The following PALM2AKAP2 variants were observed in gnomAD, a reference collection of about 807,000 sequenced individuals.
PALM2AKAP2 encodes the protein PALM2 and AKAP2 fusion, also known as PALM2-AKAP2 fusion protein.
PALM2AKAP2 carries 37 observed loss-of-function variants against 71.5 expected under a neutral mutation model. That is an observed-to-expected ratio of 0.52 (90% CI 0.40 to 0.68). The LOEUF (loss-of-function observed/expected upper bound fraction) is 0.68. Among genes scored for constraint, PALM2AKAP2 ranks in the 30% least tolerant of loss-of-function variants. The pLI is 0.00. For missense variants in PALM2AKAP2, 1,224 were observed against 1,191.8 expected, an observed-to-expected ratio of 1.03 and a Z score of -0.40; for synonymous variants, 468 against 478.8, an observed-to-expected ratio of 0.98 and a Z score of 0.29.
chr9:110,009,566 T>C (rs1832842328), intron 6 of PALM2AKAP2, among the ~76,000 whole-genome samples: 1 of 151,674 alleles, frequency 6.6e-6, no homozygotes, highest in Non-Finnish European at 1.5e-5. Context: ...TACAAAAAAT[T>C]AGCTGGGCGT....
At chr9:109,694,898 A>G (rs2118559900) in intron 1 of PALM2AKAP2, among the ~76,000 whole-genome samples, 1 of 152,270 alleles carries the variant, frequency 6.6e-6, no homozygotes, top group South Asian at 2.1e-4. Context: ...ATGCTATCCC[A>G]AAGACACCAT....
chr9:109,665,812 A>G (rs1339805086), intron 1 of PALM2AKAP2, among the ~76,000 whole-genome samples: 1 of 152,146 alleles, frequency 6.6e-6, no homozygotes, highest in African/African-American at 2.4e-5. Flanking sequence ...GAGTCTAGAG[A>G]CAGTAGGCCT....
Position 110,055,510 on chromosome 9 carries a change from T to C in PALM2AKAP2, c.156+6655T>C, listed in dbSNP as rs1833817802. ...CCACGCCTGGGGAAGGGGCCTCTTT[T>C]GGTGAAAAGGCAAGGGCACTACTCC... On this transcript the variant is annotated intron_variant, in intron 1 of 3. Transcript: ENST00000374525. 2.6e-5 allele frequency among the ~76,000 whole-genome samples: 4 copies of C among 152,234 alleles called. No individual in the cohort carries two copies. The South Asian group carries it at 6.2e-4, about 24-fold the overall frequency.
intron 7 of PALM2AKAP2, among the ~76,000 whole-genome samples, chr9:110,029,387 T>G (rs1023638528): frequency 6.6e-6 from 1 of 152,212 alleles, no homozygotes; most frequent in Admixed American, 6.5e-5. Context: ...CAACTCCTAC[T>G]TGGTAAAATC....
intron 1 of PALM2AKAP2, among the ~76,000 whole-genome samples, chr9:109,701,782 G>T (rs1425464332): frequency 1.3e-5 from 2 of 152,276 alleles, no homozygotes; most frequent in East Asian, 3.9e-4. Flanking sequence ...CACGGCAAAA[G>T]AAACTACCAT....
intron 6 of PALM2AKAP2, among the ~76,000 whole-genome samples, chr9:109,975,578 C>T (rs1832158262): frequency 6.6e-6 from 1 of 152,258 alleles, no homozygotes; most frequent in Admixed American, 6.5e-5. Flanking sequence ...TAAAATTAAC[C>T]ATCACAGTAG....
At chr9:110,057,215 C>T (rs1268500903) in intron 1 of PALM2AKAP2, among the ~76,000 whole-genome samples, 2 of 152,096 alleles carry the variant, frequency 1.3e-5, no homozygotes, top group Non-Finnish European at 2.9e-5. Flanking sequence ...TTACTGCAAC[C>T]TTGAACTCCT....
intron 6 of PALM2AKAP2, among the ~76,000 whole-genome samples, chr9:110,014,803 A>ATAT (rs1249165727): frequency 3.7e-4 from 6 of 16,016 alleles, no homozygotes; most frequent in Non-Finnish European, 6.9e-4. Context: ...AAAAAAAAAA[A>ATAT]ATGTATATAT....
chr9:109,674,091 C>T (rs76754106), intron 1 of PALM2AKAP2, among the ~76,000 whole-genome samples: 3,728 of 151,978 alleles, frequency 0.025, 51 homozygotes, highest in Middle Eastern at 0.058. Flanking sequence ...TGTTTTTCTT[C>T]TGTACTGTCC....
At chr9:109,756,519 AT>A (rs1223826389) in intron 1 of PALM2AKAP2, among the ~76,000 whole-genome samples, 1 of 152,120 alleles carries the variant, frequency 6.6e-6, no homozygotes, top group African/African-American at 2.4e-5. Flanking sequence ...CTTTTGGCCA[AT>A]TTTATCAGTT....
At chr9:110,043,002 T>C (rs897156470) in intron 7 of PALM2AKAP2, among the ~76,000 whole-genome samples, 3 of 152,190 alleles carry the variant, frequency 2.0e-5, no homozygotes. Flanking sequence ...TCTTATTCAT[T>C]CTTTCTATTT....
At chr9:109,650,455 C>T (rs1827210390) in intron 1 of PALM2AKAP2, among the ~76,000 whole-genome samples, 1 of 152,126 alleles carries the variant, frequency 6.6e-6, no homozygotes, top group South Asian at 2.1e-4. Context: ...CTTGCTCTGT[C>T]ACCTAGGCTG....
chr9:110,149,602 C>CTTGCATTCGT (rs1448499397), intron 2 of PALM2AKAP2, among the ~76,000 whole-genome samples: 1 of 152,180 alleles, frequency 6.6e-6, no homozygotes, highest in Admixed American at 6.5e-5. Flanking sequence ...TGGGTTGATA[C>CTTGCATTCGT]TTGCATTCGT....
At chr9:109,805,722 A>G (rs1234485053) in intron 1 of PALM2AKAP2, among the ~76,000 whole-genome samples, 1 of 152,250 alleles carries the variant, frequency 6.6e-6, no homozygotes, top group Non-Finnish European at 1.5e-5. Flanking sequence ...GATACTTGGT[A>G]TATAGGCAGA....
chr9:109,811,375 C>A (rs918457182), intron 1 of PALM2AKAP2, among the ~76,000 whole-genome samples: 1 of 151,694 alleles, frequency 6.6e-6, no homozygotes, highest in African/African-American at 2.4e-5. Flanking sequence ...GAGGTGGGTG[C>A]GGGGCAGTGA....
chr9:109,997,222 A>G (rs1168751362), intron 6 of PALM2AKAP2, among the ~76,000 whole-genome samples: 1 of 152,134 alleles, frequency 6.6e-6, no homozygotes. Context: ...TAAAGTAATA[A>G]AAAGTAAATA....
At chr9:110,014,090 A>G (rs1832929515) in intron 6 of PALM2AKAP2, among the ~76,000 whole-genome samples, 1 of 152,210 alleles carries the variant, frequency 6.6e-6, no homozygotes, top group Non-Finnish European at 1.5e-5. Flanking sequence ...TAAAATATTT[A>G]CTATGTGACG....
intron 1 of PALM2AKAP2, among the ~76,000 whole-genome samples, chr9:109,696,142 A>C (rs951781806): frequency 3.3e-5 from 5 of 152,210 alleles, no homozygotes; most frequent in Non-Finnish European, 7.3e-5. Context: ...AATATGTACA[A>C]CTATCACATA....
At chr9:109,838,358 T>A (rs1040295021) in intron 1 of PALM2AKAP2, among the ~76,000 whole-genome samples, 1 of 152,148 alleles carries the variant, frequency 6.6e-6, no homozygotes, top group African/African-American at 2.4e-5. Context: ...TACCAGAATC[T>A]CCGGGACATA....
Sources: gnomAD v4.1 joint callset for allele counts (sites outside exome capture counted in the v4.1 genomes callset) on GRCh38, gnomAD v4.1.1 for gene constraint, MANE v1.5 for transcripts, NCBI Gene and HGNC (gene_info 2026-07-23, HGNC 2026-07-21) for gene names.